NRG1: variants seen among roughly 807,000 people sequenced by gnomAD.
NRG1 encodes the protein pro-neuregulin-1, membrane-bound isoform.
NRG1 carries 18 observed loss-of-function variants against 63.8 expected under a neutral mutation model. That is an observed-to-expected ratio of 0.28 (90% CI 0.19 to 0.42). The LOEUF is 0.42. NRG1 is among the 10% of genes least tolerant of loss of function. The pLI, the probability that NRG1 is intolerant of heterozygous loss-of-function variation, is 1.00. For missense variants in NRG1, 762 were observed against 814.7 expected, an observed-to-expected ratio of 0.94 and a Z score of 0.79; for synonymous variants, 302 against 301.3, an observed-to-expected ratio of 1.00 and a Z score of -0.02.
intron 1 of NRG1, among the ~76,000 whole-genome samples, chr8:32,212,927 A>G (rs1844838899): frequency 6.6e-6 from 1 of 152,218 alleles, no homozygotes; most frequent in Non-Finnish European, 1.5e-5. Flanking sequence ...AGGAGACTTC[A>G]TATTCTAAAT....
chr8:32,314,773 G>A (rs988589011), intron 1 of NRG1, among the ~76,000 whole-genome samples: 2 of 152,160 alleles, frequency 1.3e-5, no homozygotes, highest in Admixed American at 6.5e-5. Flanking sequence ...ATGGGTCCCT[G>A]TCCTTACAGC....
chr8:32,307,131 T>C (rs1278099230), intron 1 of NRG1, among the ~76,000 whole-genome samples: 3 of 152,146 alleles, frequency 2.0e-5, no homozygotes, highest in East Asian at 1.9e-4. Flanking sequence ...CTTCCCCTTA[T>C]GGAATCCATT....
chr8:32,159,330 C>T (rs865788475), intron 1 of NRG1, among the ~76,000 whole-genome samples: 22 of 150,876 alleles, frequency 1.5e-4, no homozygotes, highest in Middle Eastern at 3.4e-3. Context: ...GTCAGGAGAT[C>T]GAGACCATCC....
At chr8:32,293,721 T>C (rs796732929) in intron 1 of NRG1, among the ~76,000 whole-genome samples, 62 of 127,028 alleles carry the variant, frequency 4.9e-4, no homozygotes, top group African/African-American at 6.7e-4. Flanking sequence ...TCTTCTTCTT[T>C]TTTTTTTTTT....
chr8:32,551,923 T>A (rs1588242570), intron 1 of NRG1, among the ~76,000 whole-genome samples: 1 of 150,126 alleles, frequency 6.7e-6, no homozygotes, highest in Non-Finnish European at 1.5e-5. Context: ...TTTTTTTTTT[T>A]TTTTTTTGAC....
chr8:32,474,879 T>C (rs1402522590), intron 1 of NRG1, among the ~76,000 whole-genome samples: 1 of 152,156 alleles, frequency 6.6e-6, no homozygotes, highest in Non-Finnish European at 1.5e-5. Context: ...CTAGGTACTC[T>C]ACTGGTATGG....
chr8:32,624,473 C>T (rs750339857), intron 5 of NRG1, among the ~76,000 whole-genome samples: 2 of 151,984 alleles, frequency 1.3e-5, no homozygotes, highest in South Asian at 2.1e-4. Flanking sequence ...AGCAAACAAC[C>T]TTAGAAAAAT....
At chr8:31,960,852 G>T (rs546496986) in intron 1 of NRG1, among the ~76,000 whole-genome samples, 2 of 152,298 alleles carry the variant, frequency 1.3e-5, no homozygotes, top group East Asian at 3.9e-4. Flanking sequence ...AATACATTAA[G>T]ATTTAATAAC....
At chr8:32,461,639 T>A (rs1822325136) in intron 1 of NRG1, among the ~76,000 whole-genome samples, 1 of 151,992 alleles carries the variant, frequency 6.6e-6, no homozygotes. Context: ...TTGAAATGAC[T>A]CTAGATCATG....
chr8:31,658,308 A>G (rs1402815844), intron 1 of NRG1, among the ~76,000 whole-genome samples: 4 of 152,124 alleles, frequency 2.6e-5, no homozygotes, highest in African/African-American at 4.8e-5. Context: ...ATTGGCTTCT[A>G]CCTCTCACTC....
chr8:32,198,421 A>G (rs1449947219), intron 1 of NRG1, among the ~76,000 whole-genome samples: 1 of 152,038 alleles, frequency 6.6e-6, no homozygotes, highest in African/African-American at 2.4e-5. Flanking sequence ...CAGGTAATCC[A>G]CCTGCCTCGG....
chr8:31,927,541 G>A (rs866762777), intron 1 of NRG1, among the ~76,000 whole-genome samples: 11 of 143,478 alleles, frequency 7.7e-5, no homozygotes, highest in East Asian at 2.0e-4. Flanking sequence ...CTCCGCCTCC[G>A]GGGTTCACGC....
chr8:32,233,554 TATATATA>T (rs1563934357), intron 1 of NRG1, among the ~76,000 whole-genome samples: 6 of 71,644 alleles, frequency 8.4e-5, no homozygotes, highest in African/African-American at 3.7e-4. Flanking sequence ...TATATATATA[TATATATA>T]TATTTTTTTT....
chr8:32,329,257 C>T (rs1455737466), intron 1 of NRG1, among the ~76,000 whole-genome samples: 1 of 152,194 alleles, frequency 6.6e-6, no homozygotes, highest in Non-Finnish European at 1.5e-5. Context: ...GTGTGAGCCA[C>T]TGCGCCCAGC....
chr8:31,878,125 T>C (rs1382396940), intron 1 of NRG1, among the ~76,000 whole-genome samples: 1 of 152,226 alleles, frequency 6.6e-6, no homozygotes, highest in African/African-American at 2.4e-5. Context: ...ACCGTCAGTC[T>C]GCATGCAAAC....
intron 1 of NRG1, among the ~76,000 whole-genome samples, chr8:32,253,364 C>T (rs983391941): frequency 6.6e-6 from 1 of 152,114 alleles, no homozygotes; most frequent in African/African-American, 2.4e-5. Context: ...GGATACATTC[C>T]ATCAATAGGT....
intron 1 of NRG1, among the ~76,000 whole-genome samples, chr8:31,979,169 C>T (rs1808672067): frequency 6.6e-6 from 1 of 152,130 alleles, no homozygotes; most frequent in African/African-American, 2.4e-5. Flanking sequence ...TTCTTTCCCT[C>T]TCCCATGCCC....
chr8:32,665,815 C>T (rs372574162), intron 5 of NRG1, among the ~76,000 whole-genome samples: 1 of 151,998 alleles, frequency 6.6e-6, no homozygotes, highest in Non-Finnish European at 1.5e-5. Context: ...AACAGTGATA[C>T]TTAGTTAATA....
intron 1 of NRG1, among the ~76,000 whole-genome samples, chr8:31,955,379 A>G (rs1014593458): frequency 1.3e-5 from 2 of 152,222 alleles, no homozygotes; most frequent in Non-Finnish European, 2.9e-5. Flanking sequence ...TCATTTGAGA[A>G]GCTGGTATAA....
Sources: gnomAD v4.1 joint callset for allele counts (sites outside exome capture counted in the v4.1 genomes callset) on GRCh38, gnomAD v4.1.1 for gene constraint, MANE v1.5 for transcripts, NCBI Gene and HGNC (gene_info 2026-07-23, HGNC 2026-07-21) for gene names.